TMPRSS15: variants seen among roughly 807,000 people sequenced by gnomAD.
The protein encoded by TMPRSS15 is enteropeptidase.
TMPRSS15 carries 128 observed loss-of-function variants against 125.3 expected under a neutral mutation model. The observed-to-expected ratio is 1.02, with a 90% CI of 0.89 to 1.18. TMPRSS15 has a LOEUF of 1.18. TMPRSS15 is among the 50% of genes most tolerant of loss of function. TMPRSS15 has a pLI of 0.00. For missense variants in TMPRSS15, 1,283 were observed against 1,212.7 expected (o/e 1.06, Z -0.86); for synonymous variants, 446 against 423.2 (o/e 1.05, Z -0.66).
At chr21:18,334,298 A>G (rs2075371249) in intron 13 of TMPRSS15, among the ~76,000 whole-genome samples, 3 of 152,232 alleles carry the variant, frequency 2.0e-5, no homozygotes, top group South Asian at 4.1e-4. Context: ...GTAAAGAGAT[A>G]GGGCATGGTC....
At position 18,458,885 on chromosome 21, in the gene TMPRSS15, TATG is replaced by T. The variant is rs993098848; in HGVS notation, c.10+26911_10+26913del. Reference sequence around the variant, plus strand: ...GTTTTCTAAAGTGAAAAATATATCTTATGATGATTATATCATTTTAATTTTCAT... The same window carrying T: ...GTTTTCTAAAGTGAAAAATATATCTTATGATTATATCATTTTAATTTTCAT... On this transcript the variant is annotated intron_variant, in intron 1 of 7. Transcript: ENST00000422787. 2.6e-5 allele frequency among the ~76,000 whole-genome samples: 4 copies of T among 152,148 alleles called. 1 individual carries two copies. Among genetic ancestry groups the T allele is most frequent in the African/African-American group, 2.4e-5 (1 of 41,398 alleles).
chr21:18,345,634 G>T (rs997185677), intron 10 of TMPRSS15, among the ~76,000 whole-genome samples: 3 of 144,750 alleles, frequency 2.1e-5, no homozygotes, highest in Admixed American at 7.1e-5. Context: ...CCAGCTACTC[G>T]GGACACTGAG....
At chr21:18,323,352 G>A (rs1002014492) in intron 16 of TMPRSS15, among the ~76,000 whole-genome samples, 5 of 152,168 alleles carry the variant, frequency 3.3e-5, no homozygotes, top group African/African-American at 1.2e-4. Flanking sequence ...GGCAAAAGAG[G>A]AGAAAGGCAC....
intron 3 of TMPRSS15, among the ~76,000 whole-genome samples, chr21:18,384,974 T>A (rs552867582): frequency 7.9e-5 from 12 of 152,312 alleles, no homozygotes; most frequent in Non-Finnish European, 2.9e-5. Context: ...GATCAGCATC[T>A]CCACTAGGGG....
intron 1 of TMPRSS15, among the ~76,000 whole-genome samples, chr21:18,423,569 C>A (rs1215707423): frequency 1.3e-5 from 2 of 151,488 alleles, no homozygotes; most frequent in Non-Finnish European, 2.9e-5. Context: ...CCACCACACC[C>A]GGCTAATTTT....
At chr21:18,466,917 C>G (rs570597921) in intron 1 of TMPRSS15, among the ~76,000 whole-genome samples, 1 of 152,124 alleles carries the variant, frequency 6.6e-6, no homozygotes, top group Non-Finnish European at 1.5e-5. Context: ...GGGTATATAC[C>G]CAAAGGATTA....
chr21:18,273,337 A>G (rs561721301), intron 24 of TMPRSS15, among the ~76,000 whole-genome samples: 23 of 152,352 alleles, frequency 1.5e-4, no homozygotes, highest in Middle Eastern at 3.4e-3. Flanking sequence ...CGTGTTCACA[A>G]TTTTAAAGAA....
intron 4 of TMPRSS15, chr21:18,380,594 C>T (rs754849478): frequency 6.8e-5 from 32 of 470,454 alleles, no homozygotes; most frequent in Non-Finnish European, 1.2e-4. Flanking sequence ...GCTGGAATAA[C>T]GTAAAGTTGA....
chr21:18,293,294 C>A (rs144166298), intron 21 of TMPRSS15, among the ~76,000 whole-genome samples: 1 of 152,108 alleles, frequency 6.6e-6, no homozygotes, highest in East Asian at 1.9e-4. Context: ...TGATTAACTA[C>A]GGCTGCCTCG....
intron 16 of TMPRSS15, among the ~76,000 whole-genome samples, chr21:18,325,862 A>G (rs572610364): frequency 6.6e-6 from 1 of 152,152 alleles, no homozygotes; most frequent in Non-Finnish European, 1.5e-5. Flanking sequence ...ACATATATCC[A>G]TGATGAACAT....
rs138776442 is a variant in TMPRSS15 at position 18,294,290 on chromosome 21, G to A, written c.2466C>T (p.Ser822=). 2.5e-5 allele frequency: 40 copies of A among 1,614,072 alleles called. No homozygotes were observed. The Middle Eastern group carries it at 4.9e-4, about 20-fold the overall frequency. Residue 822 remains serine (S), a synonymous_variant, in exon 21 of 25, where the codon TCC becomes TCT. Transcript: ENST00000284885. ...ASLVSSDWLV[S]AAHCVYGRNL... ...CTCACCCATACACGCAGTGTGCGGC[G>A]GACACCAGCCAGTCACTGCTGACGA...
chr21:18,305,227 C>T (rs565294176), intron 18 of TMPRSS15, among the ~76,000 whole-genome samples: 3 of 123,680 alleles, frequency 2.4e-5, no homozygotes, highest in Non-Finnish European at 4.7e-5. Flanking sequence ...CTCCCTCTGT[C>T]GCCCAGGCTG....
At position 18,398,281 on chromosome 21, in the gene TMPRSS15, G is replaced by A. The variant is rs35987974; in HGVS notation, c.194C>T (p.Thr65Ile). The change falls in exon 2 of 25, where the codon ACA becomes ATA. Residue 65 changes from threonine (T) to isoleucine (I), a missense_variant. Thr to Ile is a moderately conservative substitution (Grantham distance 89). Transcript: ENST00000284885. ...ATTAGGATTATATGTAACTCCGGAT[G>A]TTATTTTAAATGTCGCTCTGGCTTC... Reference protein sequence around the residue: ...SHEARATFKITSGVTYNPNLQ... With the variant: ...SHEARATFKIISGVTYNPNLQ... 2,422 of 1,613,766 alleles carry A rather than the reference G, an allele frequency of 1.5e-3. 23 individuals carry two copies. The African/African-American group carries it at 0.027, about 18-fold the overall frequency.
At chr21:18,284,826 C>A (rs1176128543) in intron 21 of TMPRSS15, among the ~76,000 whole-genome samples, 3 of 151,992 alleles carry the variant, frequency 2.0e-5, no homozygotes, top group African/African-American at 4.8e-5. Context: ...CATGGTGAAA[C>A]CCCGTCTCTA....
intron 1 of TMPRSS15, among the ~76,000 whole-genome samples, chr21:18,458,118 A>T (rs1978477287): frequency 6.6e-6 from 1 of 152,088 alleles, no homozygotes; most frequent in African/African-American, 2.4e-5. Flanking sequence ...TGATAGCCTT[A>T]TATTAAGGTA....
chr21:18,331,072 C>CAAAAA (rs34006357), intron 14 of TMPRSS15, among the ~76,000 whole-genome samples: 4 of 89,702 alleles, frequency 4.5e-5, no homozygotes, highest in Non-Finnish European at 4.4e-5. Context: ...GACTCCATCT[C>CAAAAA]AAAAAAAAAA....
At chr21:18,295,096 G>C (rs1429617635) in intron 19 of TMPRSS15, among the ~76,000 whole-genome samples, 1 of 152,138 alleles carries the variant, frequency 6.6e-6, no homozygotes, top group East Asian at 1.9e-4. Flanking sequence ...TTGCCAATCT[G>C]ACAACTATTC....
At chr21:18,434,156 C>T (rs142420783) in intron 1 of TMPRSS15, among the ~76,000 whole-genome samples, 82 of 152,246 alleles carry the variant, frequency 5.4e-4, no homozygotes, top group Non-Finnish European at 9.9e-4. Context: ...ATAGCATATA[C>T]GTGTTCGTAC....
At chr21:18,396,969 C>A (rs1167340369) in intron 3 of TMPRSS15, among the ~76,000 whole-genome samples, 2 of 151,908 alleles carry the variant, frequency 1.3e-5, no homozygotes, top group Non-Finnish European at 2.9e-5. Flanking sequence ...TCTTTCTGTG[C>A]TTTTTAAATG....
Sources: gnomAD v4.1 joint callset for allele counts (sites outside exome capture counted in the v4.1 genomes callset) on GRCh38, gnomAD v4.1.1 for gene constraint, MANE v1.5 for transcripts, NCBI Gene and HGNC (gene_info 2026-07-23, HGNC 2026-07-21) for gene names.